The following WDR41 variants were observed in gnomAD, a reference collection of about 807,000 sequenced individuals.
The protein encoded by WDR41 is WD repeat domain 41, also known as WD repeat-containing protein 41.
WDR41 carries 63 observed loss-of-function variants against 69.3 expected under a neutral mutation model. That is an observed-to-expected ratio of 0.91 (90% CI 0.74 to 1.12). The LOEUF (loss-of-function observed/expected upper bound fraction) is 1.12, where lower values mean the gene tolerates loss of function less well. Among genes scored for constraint, WDR41 ranks in the 50% most tolerant of loss-of-function variants. The pLI, the probability that WDR41 is intolerant of heterozygous loss-of-function variation, is 0.00. For synonymous variants in WDR41, 185 were observed against 192.1 expected, an observed-to-expected ratio of 0.96 and a Z score of 0.31; for missense variants, 543 against 534.5, an observed-to-expected ratio of 1.02 and a Z score of -0.16.
intron 4 of WDR41, among the ~76,000 whole-genome samples, chr5:77,460,040 C>T (rs1324727773): frequency 6.6e-6 from 1 of 152,112 alleles, no homozygotes; most frequent in Non-Finnish European, 1.5e-5. Flanking sequence ...CAACACAGTA[C>T]ACTGTAGAGT....
intron 1 of WDR41, among the ~76,000 whole-genome samples, chr5:77,522,700 T>G (rs1304168313): frequency 2.0e-5 from 3 of 151,564 alleles, no homozygotes; most frequent in Non-Finnish European, 2.9e-5. Flanking sequence ...GGCCAAGAAG[T>G]ACACCATCAT....
Position 77,463,137 on chromosome 5 carries a change from T to C in WDR41, c.306A>G (p.Lys102=), listed in dbSNP as rs542215380. The C allele has an allele frequency of 6.2e-7, 1 of 1,612,680 alleles. No homozygotes were observed. The highest frequency in any genetic ancestry group is 2.2e-5 in the East Asian group (1 of 44,706). Residue 102 remains lysine, a synonymous_variant, in exon 4 of 13, where the codon AAA becomes AAG. Transcript: ENST00000296679. ...CAGAGGCTGTCAAGATGAGTTGATT[T>C]TTCTCTTCACAAGATTCCAAGGAAG... ...TFPSLESCEE[K]NQLILTASAD...
At chr5:77,508,412 C>A (rs913007329) in intron 1 of WDR41, among the ~76,000 whole-genome samples, 3 of 152,212 alleles carry the variant, frequency 2.0e-5, no homozygotes, top group Non-Finnish European at 4.4e-5. Flanking sequence ...CCACACCTGG[C>A]CCTTTTATAA....
chr5:77,549,523 A>T (rs1024324653), intron 1 of WDR41, among the ~76,000 whole-genome samples: 1 of 152,100 alleles, frequency 6.6e-6, no homozygotes, highest in Non-Finnish European at 1.5e-5. Context: ...GCTCCAAAAA[A>T]AACACCCCCA....
intron 1 of WDR41, among the ~76,000 whole-genome samples, chr5:77,583,942 T>G (rs1295168308): frequency 1.3e-5 from 2 of 152,136 alleles, no homozygotes; most frequent in Non-Finnish European, 2.9e-5. Flanking sequence ...TGACTTGACT[T>G]CCCAAAATCA....
intron 1 of WDR41, among the ~76,000 whole-genome samples, chr5:77,538,778 A>G (rs1743035236): frequency 6.6e-6 from 1 of 152,234 alleles, no homozygotes; most frequent in African/African-American, 2.4e-5. Context: ...CTGAATATCC[A>G]CTATGTGCCC....
chr5:77,558,392 C>T (rs1428122708), intron 1 of WDR41, among the ~76,000 whole-genome samples: 1 of 152,126 alleles, frequency 6.6e-6, no homozygotes, highest in Non-Finnish European at 1.5e-5. Flanking sequence ...AGACAGCCCA[C>T]CTTTCCCAGG....
chr5:77,499,333 G>C (rs1449310681), intron 1 of WDR41: 1 of 152,282 alleles, frequency 6.6e-6, no homozygotes, highest in Non-Finnish European at 1.5e-5. Flanking sequence ...GTACCTTCTA[G>C]TTGTGGCTGA....
At chr5:77,480,998 C>G (rs1801211285) in intron 2 of WDR41, among the ~76,000 whole-genome samples, 1 of 151,650 alleles carries the variant, frequency 6.6e-6, no homozygotes, top group Non-Finnish European at 1.5e-5. Context: ...TAGGCATGCT[C>G]AGTTCAGACC....
chr5:77,509,416 C>T (rs1802161941), intron 1 of WDR41, among the ~76,000 whole-genome samples: 1 of 152,108 alleles, frequency 6.6e-6, no homozygotes, highest in Non-Finnish European at 1.5e-5. Flanking sequence ...GAAACTTGTA[C>T]ATGTATGTTT....
At chr5:77,598,598 C>T (rs183984759) in intron 1 of WDR41, among the ~76,000 whole-genome samples, 1 of 151,570 alleles carries the variant, frequency 6.6e-6, no homozygotes, top group East Asian at 1.9e-4. Context: ...TCAAGTAATG[C>T]CTGAAGCCAA....
At chr5:77,574,352 T>G (rs1189042023) in intron 1 of WDR41, among the ~76,000 whole-genome samples, 1 of 152,080 alleles carries the variant, frequency 6.6e-6, no homozygotes, top group East Asian at 1.9e-4. Context: ...TGGGCAGTGA[T>G]TGTATTTAGC....
At chr5:77,572,652 T>C (rs1256686500) in intron 1 of WDR41, among the ~76,000 whole-genome samples, 4 of 152,186 alleles carry the variant, frequency 2.6e-5, no homozygotes, top group Admixed American at 2.6e-4. Context: ...TAGCCAGTCA[T>C]CCAATGTACT....
chr5:77,615,649 T>C (rs546862087), intron 1 of WDR41, among the ~76,000 whole-genome samples: 1 of 136,512 alleles, frequency 7.3e-6, no homozygotes, highest in African/African-American at 2.8e-5. Flanking sequence ...GACACCAGGT[T>C]ATCATTCTAA....
chr5:77,545,226 CA>C (rs34064893), intron 1 of WDR41, among the ~76,000 whole-genome samples: 42,854 of 151,816 alleles, frequency 0.28, 6,354 homozygotes, highest in Non-Finnish European at 0.32. Context: ...TGAAAGAGCA[CA>C]AACAATCTAA....
rs1744153592 is a variant in WDR41, at chr5:77,592,614, A to T, written c.42+27865T>A. ...TTAAAATCAGCAAAAGAAAAGGGCA[A>T]CAGAGGTGTCCAAGAGAAACCAGGA... On this transcript the variant is annotated intron_variant, in intron 1 of 5. Coordinates refer to the WDR41 transcript ENST00000509971. Among the ~76,000 whole-genome samples, 3 of 152,206 alleles carry T rather than the reference A, an allele frequency of 2.0e-5. No individual in the cohort carries two copies. In the South Asian group the frequency reaches 6.2e-4, roughly 31 times the overall value.
At chr5:77,614,420 G>C (rs1328307687) in intron 1 of WDR41, among the ~76,000 whole-genome samples, 1 of 150,460 alleles carries the variant, frequency 6.6e-6, no homozygotes, top group Non-Finnish European at 1.5e-5. Context: ...TGATAGACTG[G>C]ATTAAGAAAA....
chr5:77,465,765 G>A (rs138594953), intron 2 of WDR41, among the ~76,000 whole-genome samples: 7 of 150,604 alleles, frequency 4.6e-5, no homozygotes, highest in African/African-American at 1.5e-4. Context: ...GTGTTAAAGA[G>A]AGCCAGCTAT....
At chr5:77,571,815 T>C (rs539514447) in intron 1 of WDR41, among the ~76,000 whole-genome samples, 60 of 152,320 alleles carry the variant, frequency 3.9e-4, no homozygotes, top group African/African-American at 1.4e-3. Context: ...ACCGTAGTTT[T>C]ATTCAAAACC....
Sources: allele counts gnomAD v4.1 joint callset (sites outside exome capture counted in the v4.1 genomes callset), GRCh38; gene constraint gnomAD v4.1.1; transcripts MANE v1.5; gene names NCBI Gene and HGNC (gene_info 2026-07-23, HGNC 2026-07-21).